STRBP: variants seen among roughly 807,000 people sequenced by gnomAD.
STRBP encodes the protein spermatid perinuclear RNA-binding protein.
A neutral mutation model predicts 80.1 loss-of-function variants in STRBP; 13 were observed. That is an observed-to-expected ratio of 0.16 (90% CI 0.11 to 0.26). The LOEUF is 0.26. Ranked by LOEUF, STRBP falls within the 10% of genes least tolerant of loss-of-function variation. STRBP has a pLI of 1.00. For missense variants in STRBP, 485 were observed against 815.2 expected, an observed-to-expected ratio of 0.59 and a Z score of 4.93; for synonymous variants, 284 against 291.2, an observed-to-expected ratio of 0.98 and a Z score of 0.25.
intron 2 of STRBP, among the ~76,000 whole-genome samples, chr9:123,216,958 G>A (rs2039918903): frequency 6.6e-6 from 1 of 152,150 alleles, no homozygotes; most frequent in South Asian, 2.1e-4. Context: ...AGTCTGTTAG[G>A]TGCCAAAACC....
intron 2 of STRBP, among the ~76,000 whole-genome samples, chr9:123,224,424 C>G (rs1348208397): frequency 4.6e-5 from 7 of 152,214 alleles, no homozygotes; most frequent in Admixed American, 4.6e-4. Context: ...TCAATCCTAT[C>G]ACCCATTGTT....
At chr9:123,145,313 GCCAA>G (rs2036767137) in intron 13 of STRBP, among the ~76,000 whole-genome samples, 1 of 152,094 alleles carries the variant, frequency 6.6e-6, no homozygotes, top group African/African-American at 2.4e-5. Flanking sequence ...GCAAATCCAG[GCCAA>G]CCAAGTTCCA....
At chr9:123,159,688 T>C (rs1588016472) in intron 8 of STRBP, among the ~76,000 whole-genome samples, 1 of 151,912 alleles carries the variant, frequency 6.6e-6, no homozygotes, top group African/African-American at 2.4e-5. Flanking sequence ...AATGTCCATG[T>C]TCAATAAACT....
At chr9:123,202,361 C>G (rs1312220668) in intron 2 of STRBP, among the ~76,000 whole-genome samples, 1 of 152,126 alleles carries the variant, frequency 6.6e-6, no homozygotes. Flanking sequence ...GCTTTTGTTT[C>G]AAGGTTTATA....
At chr9:123,201,195 T>C (rs937276178) in intron 2 of STRBP, among the ~76,000 whole-genome samples, 4 of 152,190 alleles carry the variant, frequency 2.6e-5, no homozygotes, top group African/African-American at 7.2e-5. Flanking sequence ...ACTGATCTTT[T>C]GTATTTTTTT....
At chr9:123,215,143 T>C (rs1390216899) in intron 2 of STRBP, among the ~76,000 whole-genome samples, 4 of 152,122 alleles carry the variant, frequency 2.6e-5, no homozygotes, top group African/African-American at 7.2e-5. Context: ...TATAGCTCAC[T>C]GCGACCTCGA....
intron 17 of STRBP, among the ~76,000 whole-genome samples, chr9:123,132,519 A>T (rs2036178445): frequency 6.6e-6 from 1 of 152,048 alleles, no homozygotes; most frequent in Non-Finnish European, 1.5e-5. Context: ...GTTATACCCA[A>T]CCTGTCATCT....
chr9:123,198,077 T>C (rs2039171398), intron 2 of STRBP, among the ~76,000 whole-genome samples: 1 of 152,212 alleles, frequency 6.6e-6, no homozygotes. Context: ...ATTTTTTTCA[T>C]ATGTATCCTG....
chr9:123,138,308 AC>A (rs2036446631), intron 14 of STRBP, among the ~76,000 whole-genome samples: 1 of 152,184 alleles, frequency 6.6e-6, no homozygotes, highest in Non-Finnish European at 1.5e-5. Context: ...CAACATCTTG[AC>A]CTGTGACTGC....
chr9:123,146,206 T>C (rs1037579605), intron 13 of STRBP, among the ~76,000 whole-genome samples: 5 of 152,070 alleles, frequency 3.3e-5, no homozygotes, highest in African/African-American at 7.2e-5. Flanking sequence ...AATATACTTA[T>C]AGAGAGATCC....
intron 2 of STRBP, among the ~76,000 whole-genome samples, chr9:123,184,503 T>C (rs934854910): frequency 6.6e-6 from 1 of 152,202 alleles, no homozygotes; most frequent in African/African-American, 2.4e-5. Context: ...GTAAGCCTCC[T>C]GTAGCTACAA....
chr9:123,182,015 G>A (rs1197322787), intron 3 of STRBP, among the ~76,000 whole-genome samples: 3 of 151,260 alleles, frequency 2.0e-5, no homozygotes, highest in Non-Finnish European at 4.4e-5. Context: ...AGGAGTTCAA[G>A]ACCAGCCTGG....
At position 123,146,966 on chromosome 9, in the gene STRBP, C is replaced by T; in HGVS notation, c.1227G>A (p.Gln409=). ...AGACTGGGGCATGAACGGGGCCAGA[C>T]TGAGATAGGAGCTTATACTGAAGCC... is the stretch of plus-strand genomic sequence containing the variant. ...RPGLQYKLLS[Q]SGPVHAPVFT... is the part of the protein sequence containing the mutation. Residue 409 remains glutamine (Q), a synonymous_variant, in exon 13 of 19, where the codon CAG becomes CAA. Transcript: ENST00000348403. The T allele has an allele frequency of 6.2e-7, 1 of 1,614,036 alleles. No individual in the cohort carries two copies. The highest frequency in any genetic ancestry group is 1.3e-5 in the African/African-American group (1 of 75,014).
At chr9:123,243,265 C>CAAAA (rs1160280485) in intron 1 of STRBP, among the ~76,000 whole-genome samples, 3 of 78,952 alleles carry the variant, frequency 3.8e-5, no homozygotes, top group Non-Finnish European at 8.6e-5. Flanking sequence ...ATCAATAAGA[C>CAAAA]AAAAAAAAAA....
At chr9:123,234,943 A>T (rs951399922) in intron 2 of STRBP, among the ~76,000 whole-genome samples, 17 of 148,852 alleles carry the variant, frequency 1.1e-4, no homozygotes, top group Non-Finnish European at 2.1e-4. Context: ...CTCAAAAAAT[A>T]AAAAAAAAGT....
At chr9:123,161,207 CTG>C (rs1485586552) in intron 6 of STRBP, 139 bp from the exon 7 acceptor site, 2 of 640,166 alleles carry the variant, frequency 3.1e-6, no homozygotes, top group East Asian at 6.2e-5. Context: ...CCTCATTTGG[CTG>C]TGTTGCTTTT....
rs905680674 is a variant in STRBP at position 123,146,440 on chromosome 9, T to C, written c.1338+415A>G. On this transcript the variant is annotated intron_variant, in intron 13 of 18. Coordinates refer to ENST00000348403, the MANE Select transcript of STRBP (RefSeq NM_018387.5). ...TTAATCGTACCGCCATTAAAAATTA[T>C]TTATGAAGATTTTCATAATGAGGAA... 3.3e-5 allele frequency among the ~76,000 whole-genome samples: 5 copies of C among 151,674 alleles called. No individual in the cohort carries two copies. In the South Asian group the frequency reaches 1.0e-3, roughly 32 times the overall value.
chr9:123,138,677 T>C (rs2036462601), intron 14 of STRBP, among the ~76,000 whole-genome samples: 2 of 152,218 alleles, frequency 1.3e-5, no homozygotes, highest in Admixed American at 6.5e-5. Flanking sequence ...TCACAGAGCT[T>C]ATCGCATTAT....
chr9:123,265,498 A>G (rs958175571), intron 1 of STRBP, among the ~76,000 whole-genome samples: 1 of 152,222 alleles, frequency 6.6e-6, no homozygotes, highest in Admixed American at 6.5e-5. Context: ...ATTTCTTAGC[A>G]AAATCTGACA....
Sources: allele counts gnomAD v4.1 joint callset (sites outside exome capture counted in the v4.1 genomes callset), GRCh38; gene constraint gnomAD v4.1.1; transcripts MANE v1.5; gene names NCBI Gene and HGNC (gene_info 2026-07-23, HGNC 2026-07-21).